The following EPM2A variants were observed in gnomAD, a reference collection of about 807,000 sequenced individuals.
EPM2A encodes the protein EPM2A glucan phosphatase, laforin, also known as laforin.
EPM2A carries 21 observed loss-of-function variants against 26.5 expected under a neutral mutation model. The observed-to-expected ratio is 0.79, with a 90% CI of 0.56 to 1.14. The LOEUF is 1.14. Ranked by LOEUF, EPM2A falls within the 50% of genes most tolerant of loss-of-function variation. The pLI is 0.00. For missense variants in EPM2A, 458 were observed against 440.8 expected, an observed-to-expected ratio of 1.04 and a Z score of -0.35; for synonymous variants, 217 against 177.6, an observed-to-expected ratio of 1.22 and a Z score of -1.76.
intron 4 of EPM2A, among the ~76,000 whole-genome samples, chr6:145,390,900 A>C (rs1431714000): frequency 1.3e-5 from 2 of 152,156 alleles, no homozygotes; most frequent in Non-Finnish European, 2.9e-5. Flanking sequence ...CCTAGGAAAG[A>C]GATTCGTTCA....
At chr6:145,673,522 C>G (rs1001946858) in intron 2 of EPM2A, among the ~76,000 whole-genome samples, 1 of 152,178 alleles carries the variant, frequency 6.6e-6, no homozygotes, top group South Asian at 2.1e-4. Context: ...CTTTCCTAGC[C>G]AAGGGAAGCT....
In EPM2A at chr6:145,684,322, T is replaced by C. The variant is rs554047345; in HGVS notation, c.476+1800A>G. On this transcript the variant is annotated intron_variant, in intron 2 of 3. Coordinates refer to ENST00000367519, the MANE Select transcript of EPM2A (RefSeq NM_005670.4). Reference sequence around the variant, plus strand: ...AAAGGCAATCAAGGAGAAGAAATAATCATTCAGTGGAAAAAAATCTCCAGA... The same window carrying C: ...AAAGGCAATCAAGGAGAAGAAATAACCATTCAGTGGAAAAAAATCTCCAGA... Among the ~76,000 whole-genome samples the C allele has an allele frequency of 4.6e-5, 7 of 152,160 alleles. No individual in the cohort carries two copies. In the South Asian group the frequency reaches 1.0e-3, roughly 23 times the overall value.
At chr6:145,652,836 G>A (rs999283255) in intron 2 of EPM2A, among the ~76,000 whole-genome samples, 6 of 151,996 alleles carry the variant, frequency 3.9e-5, no homozygotes, top group Non-Finnish European at 8.8e-5. Flanking sequence ...CTACAGAACT[G>A]CCTGCAGCCT....
chr6:145,600,512 A>T (rs901094100), intron 2 of EPM2A, among the ~76,000 whole-genome samples: 2 of 152,142 alleles, frequency 1.3e-5, no homozygotes, highest in Non-Finnish European at 2.9e-5. Context: ...TGAGTTTTGC[A>T]ATATCTGCCT....
intron 1 of EPM2A, among the ~76,000 whole-genome samples, chr6:145,726,220 C>A (rs1466455519): frequency 1.3e-5 from 2 of 151,956 alleles, no homozygotes; most frequent in Non-Finnish European, 2.9e-5. Flanking sequence ...TGAAAGAGTA[C>A]TCAATGGCCA....
At chr6:145,542,686 T>G (rs1036295024) in intron 2 of EPM2A, among the ~76,000 whole-genome samples, 2 of 152,192 alleles carry the variant, frequency 1.3e-5, no homozygotes, top group Admixed American at 1.3e-4. Flanking sequence ...TTTTGGATTC[T>G]TTAGTCTATG....
chr6:145,617,138 G>A (rs1200055999), intron 2 of EPM2A, among the ~76,000 whole-genome samples: 1 of 152,202 alleles, frequency 6.6e-6, no homozygotes, highest in Non-Finnish European at 1.5e-5. Flanking sequence ...CCCAATAGGA[G>A]GTAACTGAAT....
intron 2 of EPM2A, among the ~76,000 whole-genome samples, chr6:145,548,969 G>A (rs1047712220): frequency 3.3e-5 from 5 of 152,214 alleles, no homozygotes; most frequent in East Asian, 1.9e-4. Flanking sequence ...ATCTGAAGCC[G>A]TGTGTAGCTA....
chr6:145,532,475 G>A (rs1456737572), intron 2 of EPM2A, among the ~76,000 whole-genome samples: 7 of 152,186 alleles, frequency 4.6e-5, no homozygotes, highest in South Asian at 2.1e-4. Context: ...GATCATTCAC[G>A]GGCATGATGG....
At chr6:145,452,621 G>A (rs535095399) in intron 4 of EPM2A, among the ~76,000 whole-genome samples, 93 of 150,282 alleles carry the variant, frequency 6.2e-4, no homozygotes, top group African/African-American at 2.2e-3. Flanking sequence ...GCAGGGAGGC[G>A]GAGCTTGCAG....
intron 2 of EPM2A, among the ~76,000 whole-genome samples, chr6:145,561,672 T>G (rs559680121): frequency 1.8e-4 from 27 of 152,278 alleles, no homozygotes; most frequent in Non-Finnish European, 3.4e-4. Context: ...TGTGTAACTG[T>G]TGCATGATTG....
chr6:145,735,541 C>T, upstream of EPM2A: 1 of 1,158,312 alleles, frequency 8.6e-7, no homozygotes, highest in Admixed American at 4.7e-5. Flanking sequence ...GGAGTCCCCG[C>T]GGCCGGCAGG....
intron 2 of EPM2A, among the ~76,000 whole-genome samples, chr6:145,528,886 T>G (rs1306095349): frequency 1.3e-5 from 2 of 152,134 alleles, no homozygotes; most frequent in Non-Finnish European, 2.9e-5. Context: ...TGAAGAACAT[T>G]CATGATACAT....
intron 4 of EPM2A, among the ~76,000 whole-genome samples, chr6:145,469,402 GA>G (rs1190950730): frequency 6.6e-6 from 1 of 151,880 alleles, no homozygotes; most frequent in Non-Finnish European, 1.5e-5. Context: ...CATACAAATG[GA>G]AAACAATCAT....
chr6:145,542,173 A>C (rs1351136641), intron 2 of EPM2A, among the ~76,000 whole-genome samples: 1 of 152,242 alleles, frequency 6.6e-6, no homozygotes, highest in East Asian at 1.9e-4. Context: ...CTTCACCATG[A>C]AAAGCACTGT....
intron 2 of EPM2A, among the ~76,000 whole-genome samples, chr6:145,584,677 T>C (rs2114840037): frequency 6.6e-6 from 1 of 152,234 alleles, no homozygotes; most frequent in East Asian, 1.9e-4. Flanking sequence ...GAACCACTCT[T>C]CATCTGATCA....
chr6:145,451,443 G>C (rs1418869970), intron 4 of EPM2A, among the ~76,000 whole-genome samples: 1 of 152,198 alleles, frequency 6.6e-6, no homozygotes, highest in Non-Finnish European at 1.5e-5. Context: ...CACTTCTTGA[G>C]TTTTGATGTA....
chr6:145,527,090 G>A (rs1780285297), intron 2 of EPM2A, among the ~76,000 whole-genome samples: 1 of 151,908 alleles, frequency 6.6e-6, no homozygotes, highest in Admixed American at 6.6e-5. Flanking sequence ...GTATTTATGT[G>A]GTTTTGAGAG....
At chr6:145,709,607 G>C (rs1252891598) in intron 1 of EPM2A, among the ~76,000 whole-genome samples, 7 of 152,164 alleles carry the variant, frequency 4.6e-5, no homozygotes, top group Admixed American at 4.6e-4. Context: ...CCAGTCTCGA[G>C]TATGTCTTTA....
Sources: gnomAD v4.1 joint callset for allele counts (sites outside exome capture counted in the v4.1 genomes callset) on GRCh38, gnomAD v4.1.1 for gene constraint, MANE v1.5 for transcripts, NCBI Gene and HGNC (gene_info 2026-07-23, HGNC 2026-07-21) for gene names.